The following PLEKHA5 variants were observed in gnomAD, a reference collection of about 807,000 sequenced individuals.
PLEKHA5 encodes pleckstrin homology domain-containing family A member 5.
PLEKHA5 carries 55 observed loss-of-function variants against 181.9 expected under a neutral mutation model. That is an observed-to-expected ratio of 0.30 (90% CI 0.24 to 0.38). The LOEUF (loss-of-function observed/expected upper bound fraction) is 0.38. PLEKHA5 is among the 10% of genes least tolerant of loss of function. The pLI, the probability that PLEKHA5 is intolerant of heterozygous loss-of-function variation, is 1.00. For missense variants in PLEKHA5, 1,432 were observed against 1,549.5 expected, an observed-to-expected ratio of 0.92 and a Z score of 1.27; for synonymous variants, 535 against 529.4, an observed-to-expected ratio of 1.01 and a Z score of -0.15.
At chr12:19,213,126 C>T (rs1031941270) in intron 3 of PLEKHA5, among the ~76,000 whole-genome samples, 2 of 152,072 alleles carry the variant, frequency 1.3e-5, no homozygotes, top group African/African-American at 4.8e-5. Context: ...GGTGACTGAT[C>T]CCTTTGGAGC....
intron 7 of PLEKHA5, among the ~76,000 whole-genome samples, chr12:19,264,490 G>C (rs752589791): frequency 1.7e-4 from 26 of 152,148 alleles, no homozygotes; most frequent in Non-Finnish European, 1.6e-4. Context: ...TCAAAATTAG[G>C]GTTTGACTTA....
At chr12:19,297,495 G>A (rs1429298000) in intron 15 of PLEKHA5, among the ~76,000 whole-genome samples, 3 of 150,930 alleles carry the variant, frequency 2.0e-5, no homozygotes, top group Non-Finnish European at 4.4e-5. Context: ...GGTGGCGGGC[G>A]CCTGTAGTCC....
At chr12:19,227,385 C>T (rs1384885130) in intron 3 of PLEKHA5, among the ~76,000 whole-genome samples, 1 of 151,910 alleles carries the variant, frequency 6.6e-6, no homozygotes, top group Non-Finnish European at 1.5e-5. Flanking sequence ...ATCCTGTTCC[C>T]CATGCCAGTA....
intron 3 of PLEKHA5, among the ~76,000 whole-genome samples, chr12:19,226,376 A>G (rs966665139): frequency 6.9e-4 from 105 of 152,244 alleles, no homozygotes; most frequent in African/African-American, 2.3e-3. Flanking sequence ...CCTTTTGGCT[A>G]TTATGAATAG....
chr12:19,223,563 G>A (rs2059290364), intron 3 of PLEKHA5, among the ~76,000 whole-genome samples: 1 of 151,962 alleles, frequency 6.6e-6, no homozygotes, highest in Non-Finnish European at 1.5e-5. Flanking sequence ...CCCAAAGCAT[G>A]GTATACATAT....
intron 15 of PLEKHA5, among the ~76,000 whole-genome samples, chr12:19,293,597 G>A (rs1203410306): frequency 6.6e-6 from 1 of 151,968 alleles, no homozygotes; most frequent in African/African-American, 2.4e-5. Flanking sequence ...CTAAAAAATA[G>A]GTTTAAAAAA....
chr12:19,201,980 T>A (rs1459232191), intron 3 of PLEKHA5: 6 of 931,696 alleles, frequency 6.4e-6, no homozygotes, highest in Non-Finnish European at 7.7e-6. Context: ...GCAATAAAAC[T>A]AAATAAAAGC....
chr12:19,349,089 T>G (rs1194495274), intron 25 of PLEKHA5, among the ~76,000 whole-genome samples: 3 of 144,816 alleles, frequency 2.1e-5, no homozygotes, highest in East Asian at 2.0e-4. Flanking sequence ...GGTGGTTGTT[T>G]TTGTTGTTGT....
intron 16 of PLEKHA5, among the ~76,000 whole-genome samples, chr12:19,318,212 T>C (rs2089630945): frequency 6.6e-6 from 1 of 151,978 alleles, no homozygotes; most frequent in East Asian, 1.9e-4. Context: ...TTTGGTTAGT[T>C]GATGTCTAAT....
chr12:19,262,988 G>A (rs1301103426), intron 7 of PLEKHA5, among the ~76,000 whole-genome samples: 2 of 152,086 alleles, frequency 1.3e-5, no homozygotes, highest in African/African-American at 4.8e-5. Flanking sequence ...TTTCCCAGAT[G>A]GGGAATATAA....
intron 3 of PLEKHA5, among the ~76,000 whole-genome samples, chr12:19,213,345 G>A (rs2057337999): frequency 6.6e-6 from 1 of 152,078 alleles, no homozygotes; most frequent in African/African-American, 2.4e-5. Flanking sequence ...GGGATGTGTG[G>A]CACTCTAGAC....
At chr12:19,150,759 C>T (rs1002002186) in intron 3 of PLEKHA5, 2 of 152,102 alleles carry the variant, frequency 1.3e-5, no homozygotes, top group Non-Finnish European at 2.9e-5. Context: ...GAGGGAGGGC[C>T]GTGGTCAGTA....
At chr12:19,272,414 G>GA (rs953874142) in intron 10 of PLEKHA5, among the ~76,000 whole-genome samples, 26 of 151,544 alleles carry the variant, frequency 1.7e-4, no homozygotes, top group Non-Finnish European at 3.2e-4. Flanking sequence ...TGGGGAAAAA[G>GA]AAAAAAAACC....
At chr12:19,178,430 G>C (rs1264373415) in intron 3 of PLEKHA5, among the ~76,000 whole-genome samples, 1 of 152,182 alleles carries the variant, frequency 6.6e-6, no homozygotes, top group African/African-American at 2.4e-5. Context: ...ACAAGTTAGA[G>C]AGACAGGTGC....
At chr12:19,315,585 T>G (rs1388077096) in intron 16 of PLEKHA5, among the ~76,000 whole-genome samples, 1 of 152,174 alleles carries the variant, frequency 6.6e-6, no homozygotes, top group Non-Finnish European at 1.5e-5. Context: ...TTTTTGTGTA[T>G]CTCATGGTCT....
At chr12:19,325,778 G>A (rs1368079352) in intron 20 of PLEKHA5, among the ~76,000 whole-genome samples, 2 of 151,906 alleles carry the variant, frequency 1.3e-5, no homozygotes, top group African/African-American at 2.4e-5. Flanking sequence ...GGAGGCCAAG[G>A]CAGGCAGATC....
At chr12:19,208,861 T>C (rs1190034502) in intron 3 of PLEKHA5, among the ~76,000 whole-genome samples, 6 of 152,104 alleles carry the variant, frequency 3.9e-5, no homozygotes, top group Non-Finnish European at 7.4e-5. Flanking sequence ...AGAATGGAGA[T>C]AGATTGAGTT....
At chr12:19,172,517 A>C (rs560610444) in intron 3 of PLEKHA5, among the ~76,000 whole-genome samples, 1 of 152,254 alleles carries the variant, frequency 6.6e-6, no homozygotes, top group South Asian at 2.1e-4. Flanking sequence ...TTGCAAATAC[A>C]TACTTGAAAA....
intron 21 of PLEKHA5, among the ~76,000 whole-genome samples, chr12:19,342,383 G>A (rs2094001861): frequency 1.3e-5 from 2 of 151,996 alleles, no homozygotes; most frequent in South Asian, 4.2e-4. Flanking sequence ...TTGGCCGGGC[G>A]CGGTGGCTCA....
Sources: allele counts gnomAD v4.1 joint callset (sites outside exome capture counted in the v4.1 genomes callset), GRCh38; gene constraint gnomAD v4.1.1; transcripts MANE v1.5; gene names NCBI Gene and HGNC (gene_info 2026-07-23, HGNC 2026-07-21).